The following CDH18 variants were observed in gnomAD, a reference collection of about 807,000 sequenced individuals.
CDH18 encodes the protein cadherin 18.
In CDH18, 31 loss-of-function variants were observed where a neutral mutation model predicts 67.9. That is an observed-to-expected ratio of 0.46 (90% CI 0.34 to 0.62). CDH18 has a LOEUF of 0.62. Among genes scored for constraint, CDH18 ranks in the 20% least tolerant of loss-of-function variants. CDH18 has a pLI of 0.01. For synonymous variants in CDH18, 362 were observed against 347.2 expected (o/e 1.04, Z -0.48); for missense variants, 890 against 975.5 (o/e 0.91, Z 1.17).
chr5:20,110,877 A>T (rs1318689213), intron 2 of CDH18, among the ~76,000 whole-genome samples: 1 of 152,190 alleles, frequency 6.6e-6, no homozygotes, highest in African/African-American at 2.4e-5. Flanking sequence ...GTAAATAAAA[A>T]CATGTTTAAA....
At chr5:19,499,738 T>A (rs184244782) in intron 11 of CDH18, among the ~76,000 whole-genome samples, 3 of 152,130 alleles carry the variant, frequency 2.0e-5, no homozygotes, top group Non-Finnish European at 4.4e-5. Context: ...CTTTCTCAAT[T>A]CATTCACTAT....
At chr5:19,585,118 G>A (rs1743953609) in intron 7 of CDH18, among the ~76,000 whole-genome samples, 2 of 152,036 alleles carry the variant, frequency 1.3e-5, no homozygotes, top group African/African-American at 2.4e-5. Flanking sequence ...TTGAAAATAT[G>A]CATTGTGTGT....
chr5:20,285,642 C>T (rs1255041321), intron 1 of CDH18, among the ~76,000 whole-genome samples: 9 of 151,168 alleles, frequency 6.0e-5, no homozygotes, highest in Non-Finnish European at 7.4e-5. Flanking sequence ...ACTCAATTTG[C>T]CCCCTTTTGT....
intron 2 of CDH18, among the ~76,000 whole-genome samples, chr5:20,018,073 T>C (rs1317259854): frequency 1.3e-5 from 2 of 152,150 alleles, no homozygotes; most frequent in South Asian, 2.1e-4. Context: ...CTAAACACTT[T>C]AGGGTAGTTG....
intron 2 of CDH18, among the ~76,000 whole-genome samples, chr5:19,887,832 A>G (rs1214955850): frequency 6.6e-6 from 1 of 151,680 alleles, no homozygotes; most frequent in Non-Finnish European, 1.5e-5. Context: ...TCAGCCACCC[A>G]AAGTGTTGAG....
chr5:19,822,632 G>T (rs1779992205), intron 3 of CDH18, among the ~76,000 whole-genome samples: 1 of 152,188 alleles, frequency 6.6e-6, no homozygotes, highest in South Asian at 2.1e-4. Context: ...AAAGGGGAGG[G>T]AGTGTACGAA....
At chr5:19,826,625 G>C (rs1246415832) in intron 3 of CDH18, among the ~76,000 whole-genome samples, 1 of 152,112 alleles carries the variant, frequency 6.6e-6, no homozygotes. Flanking sequence ...TTCATATCCA[G>C]CCAATCTAAG....
chr5:19,847,057 A>C (rs1469732583), intron 2 of CDH18, among the ~76,000 whole-genome samples: 6 of 151,866 alleles, frequency 4.0e-5, no homozygotes, highest in African/African-American at 1.5e-4. Context: ...GTTTCTTTCC[A>C]AATTCTCTTA....
At chr5:20,352,774 TAGAG>T (rs921508475) in intron 1 of CDH18, among the ~76,000 whole-genome samples, 3 of 151,856 alleles carry the variant, frequency 2.0e-5, no homozygotes, top group African/African-American at 7.3e-5. Context: ...GCCTGGGCGA[TAGAG>T]AGAGACTCTG....
intron 2 of CDH18, among the ~76,000 whole-genome samples, chr5:19,924,127 A>G (rs529640100): frequency 6.6e-6 from 1 of 152,038 alleles, no homozygotes; most frequent in South Asian, 2.1e-4. Flanking sequence ...TGAATTTATC[A>G]TAAACACATT....
chr5:20,488,199 T>C (rs1404939851), intron 1 of CDH18, among the ~76,000 whole-genome samples: 1 of 152,220 alleles, frequency 6.6e-6, no homozygotes, highest in Admixed American at 6.5e-5. Flanking sequence ...GGTTTGATCA[T>C]AATTAAAAAT....
intron 3 of CDH18, among the ~76,000 whole-genome samples, chr5:19,788,951 G>A (rs905770121): frequency 2.0e-5 from 3 of 152,126 alleles, no homozygotes; most frequent in Admixed American, 2.0e-4. Flanking sequence ...GATTGTTTTT[G>A]GGGTGTCAGT....
intron 3 of CDH18, 52 bp downstream of exon 3, chr5:19,838,707 T>C: frequency 8.0e-7 from 1 of 1,250,666 alleles, no homozygotes. Flanking sequence ...GAGCTCATCT[T>C]ACCCCACAAT....
At chr5:19,487,210 G>T (rs973410062) in intron 11 of CDH18, among the ~76,000 whole-genome samples, 1 of 152,146 alleles carries the variant, frequency 6.6e-6, no homozygotes, top group African/African-American at 2.4e-5. Context: ...TGATTGAAAG[G>T]TAGGTAAATA....
intron 1 of CDH18, among the ~76,000 whole-genome samples, chr5:20,394,418 T>C (rs1348458137): frequency 1.3e-5 from 2 of 152,102 alleles, no homozygotes; most frequent in Non-Finnish European, 2.9e-5. Context: ...TCTCTTACCA[T>C]ATATACAAAT....
chr5:20,190,226 G>A (rs188727000), intron 2 of CDH18, among the ~76,000 whole-genome samples: 10 of 152,108 alleles, frequency 6.6e-5, no homozygotes, highest in East Asian at 3.9e-4. Context: ...TGTGGGCATC[G>A]TCCTCAAAAT....
chr5:20,291,680 T>C (rs1580680297), intron 1 of CDH18, among the ~76,000 whole-genome samples: 1 of 152,074 alleles, frequency 6.6e-6, no homozygotes. Context: ...TTTTCAAAGA[T>C]AGGATTTTAA....
In CDH18 at chr5:20,347,603, C is replaced by A. The variant is rs75780222; in HGVS notation, c.-579-92098G>T. Reference sequence around the variant, plus strand: ...TCCCCTTAAGCCAGGGTGCTGCTCACAGGGACTGTCCCAACTTAGGGGCAG... The same window carrying A: ...TCCCCTTAAGCCAGGGTGCTGCTCAAAGGGACTGTCCCAACTTAGGGGCAG... On this transcript the variant is annotated intron_variant, in intron 1 of 14. Transcript: ENST00000507958. Among the ~76,000 whole-genome samples the A allele has an allele frequency of 4.5e-3, 687 of 152,330 alleles. 9 individuals are homozygous for A. The highest frequency in any genetic ancestry group is 0.016 in the African/African-American group (659 of 41,582).
intron 2 of CDH18, among the ~76,000 whole-genome samples, chr5:19,927,516 G>A (rs1433777998): frequency 6.6e-6 from 1 of 151,976 alleles, no homozygotes; most frequent in Non-Finnish European, 1.5e-5. Context: ...TATATAGACA[G>A]TACCTTAATA....
Sources: allele counts gnomAD v4.1 joint callset (sites outside exome capture counted in the v4.1 genomes callset), GRCh38; gene constraint gnomAD v4.1.1; transcripts MANE v1.5; gene names NCBI Gene and HGNC (gene_info 2026-07-23, HGNC 2026-07-21).